The following RRM2 variants were observed in gnomAD, a reference collection of about 807,000 sequenced individuals.
RRM2 encodes ribonucleotide reductase regulatory subunit M2.
RRM2 carries 6 observed loss-of-function variants against 45.9 expected under a neutral mutation model. The observed-to-expected ratio is 0.13, with a 90% CI of 0.07 to 0.26. RRM2 has a LOEUF of 0.26. Among genes scored for constraint, RRM2 ranks in the 10% least tolerant of loss-of-function variants. RRM2 has a pLI of 1.00. For synonymous variants in RRM2, 177 were observed against 173.0 expected (o/e 1.02, Z -0.18); for missense variants, 343 against 489.5 (o/e 0.70, Z 2.82).
chr2:10,166,425 G>C (rs1663683161), intron 3 of RRM2, among the ~76,000 whole-genome samples: 1 of 152,190 alleles, frequency 6.6e-6, no homozygotes, highest in Non-Finnish European at 1.5e-5. Context: ...CTCTGCCCCT[G>C]AACACCAAGC....
chr2:10,144,294 C>T (rs555242804), intron 3 of RRM2, among the ~76,000 whole-genome samples: 11 of 152,332 alleles, frequency 7.2e-5, no homozygotes, highest in South Asian at 6.2e-4. Flanking sequence ...AGGTCAGAGA[C>T]GAGGTCTCAG....
At chr2:10,191,945 C>G (rs1664314809) in intron 3 of RRM2, among the ~76,000 whole-genome samples, 1 of 152,116 alleles carries the variant, frequency 6.6e-6, no homozygotes, top group South Asian at 2.1e-4. Flanking sequence ...GTCCGTGACC[C>G]CTTGAGGAAT....
At chr2:10,142,916 C>A (rs965433986) in intron 3 of RRM2, among the ~76,000 whole-genome samples, 1 of 152,210 alleles carries the variant, frequency 6.6e-6, no homozygotes, top group East Asian at 1.9e-4. Flanking sequence ...CTCTGTCACC[C>A]AGGCTGCAGT....
chr2:10,190,136 G>T (rs1664257080), intron 3 of RRM2, among the ~76,000 whole-genome samples: 1 of 150,456 alleles, frequency 6.6e-6, no homozygotes, highest in South Asian at 2.2e-4. Flanking sequence ...TGATGATGGT[G>T]ATGGTGGTGA....
intron 4 of RRM2, 27 bp downstream of exon 4, chr2:10,123,879 A>G: frequency 7.8e-7 from 1 of 1,286,132 alleles, no homozygotes; most frequent in South Asian, 1.2e-5. Flanking sequence ...TCTTTCATTC[A>G]TTTGACGTTG....
intron 3 of RRM2, among the ~76,000 whole-genome samples, chr2:10,199,652 C>T (rs548422103): frequency 1.5e-3 from 234 of 151,670 alleles, no homozygotes; most frequent in Non-Finnish European, 2.7e-3. Context: ...TGGTGGCGGG[C>T]GCCTGAAGTC....
chr2:10,164,294 A>T (rs62129920), intron 3 of RRM2, among the ~76,000 whole-genome samples: 313 of 152,074 alleles, frequency 2.1e-3, no homozygotes, highest in Non-Finnish European at 3.7e-3. Flanking sequence ...TGTGTGTGAA[A>T]CCACTTTGTT....
rs1433225556 is a variant in RRM2 at position 10,200,651 on chromosome 2, CACACAAAATATGAGGCCCACAGGGACT to C, written n.483-9659_483-9633del. 1.4e-4 allele frequency among the ~76,000 whole-genome samples: 17 copies of C among 125,332 alleles called. 3 individuals are homozygous for C. Among genetic ancestry groups the C allele is most frequent in the African/African-American group, 4.9e-4 (17 of 34,762 alleles). 82.2% of individuals were successfully genotyped at this position (125,332 alleles called of 152,430 possible). ...AAATATGAGGCCCACAGGCACCGCG[CACACAAAATATGAGGCCCACAGGGACT>C]GCGCGCACAAATTATGAGTCCCACG... is the stretch of plus-strand genomic sequence containing the variant. On this transcript the variant is annotated intron_variant and non_coding_transcript_variant, in intron 3 of 3. Transcript: ENST00000381786.
rs567207322 is a variant in RRM2, at chr2:10,204,354, G to A, written n.483-5957G>A. The stretch of plus-strand genomic sequence containing the variant: ...TTAAAGGATACCTAGGCATCAGCTA[G>A]GTGAAGAGAGCAGGGAAGGAGACTC... On this transcript the variant is annotated intron_variant and non_coding_transcript_variant, in intron 3 of 3. Coordinates refer to the RRM2 transcript ENST00000381786. The surrounding 1 kb of genome is among the most constrained non-coding windows in gnomAD (Gnocchi z 4.0). 2.9e-4 allele frequency among the ~76,000 whole-genome samples: 44 copies of A among 152,330 alleles called. No individual in the cohort carries two copies. Among genetic ancestry groups the A allele is most frequent in the African/African-American group, 9.1e-4 (38 of 41,574 alleles).
intron 3 of RRM2, among the ~76,000 whole-genome samples, chr2:10,165,056 A>G (rs1663650696): frequency 1.3e-5 from 2 of 152,294 alleles, no homozygotes; most frequent in African/African-American, 4.8e-5. Flanking sequence ...GGCTCAAGCC[A>G]TCCTCCCACC....
Position 10,200,530 on chromosome 2 carries a change from A to G in RRM2, n.483-9781A>G, listed in dbSNP as rs4669554. 7.7e-3 allele frequency among the ~76,000 whole-genome samples: 45 copies of G among 5,850 alleles called. 16 individuals carry two copies. Among genetic ancestry groups the G allele is most frequent in the Non-Finnish European group, 0.01 (37 of 3,556 alleles). The allele number at this position is 5,850 out of a possible 152,430, so 3.8% of individuals were successfully genotyped here. A position where few individuals can be genotyped will look rare whatever the true frequency, so the allele number is the denominator to read the frequency against. The stretch of plus-strand genomic sequence containing the variant: ...TATGAGGCCCACAGGGACTGCGCGC[A>G]CAAATTATGAGTCCCACAGGGACCG... On this transcript the variant is annotated intron_variant and non_coding_transcript_variant, in intron 3 of 3. Transcript: ENST00000381786.
intron 3 of RRM2, among the ~76,000 whole-genome samples, chr2:10,159,608 C>G (rs1663513368): frequency 2.0e-5 from 3 of 152,242 alleles, no homozygotes; most frequent in Admixed American, 1.3e-4. Context: ...AAAAGAAAGA[C>G]TCCAGGATGA....
At chr2:10,166,144 T>C (rs1196018542) in intron 3 of RRM2, among the ~76,000 whole-genome samples, 1 of 152,184 alleles carries the variant, frequency 6.6e-6, no homozygotes, top group Non-Finnish European at 1.5e-5. Context: ...TTAATGCCTT[T>C]CCAATAAAGC....
chr2:10,124,683 T>A, intron 4 of RRM2, 34 bp from the exon 5 acceptor site: 1 of 1,610,788 alleles, frequency 6.2e-7, no homozygotes, highest in East Asian at 2.2e-5. Context: ...GTTGGTTTTT[T>A]CTCAAGCTTA....
chr2:10,141,906 ACAGCACG>A (rs1304120233), exon 2 of RRM2: 1 of 1,576,842 alleles, frequency 6.3e-7, no homozygotes, highest in South Asian at 1.2e-5. Flanking sequence ...CCTCGGGGAG[ACAGCACG>A]CCAGTGAGGG....
At chr2:10,166,194 C>T (rs1663676756) in intron 3 of RRM2, among the ~76,000 whole-genome samples, 1 of 152,240 alleles carries the variant, frequency 6.6e-6, no homozygotes, top group Non-Finnish European at 1.5e-5. Flanking sequence ...CAGAGCTGAA[C>T]AGTTACTTTA....
chr2:10,128,104 G>C (rs142748265), intron 7 of RRM2, among the ~76,000 whole-genome samples: 4,097 of 152,162 alleles, frequency 0.027, 203 homozygotes, highest in African/African-American at 0.094. Context: ...GGTGGAGGTT[G>C]CAGTGAGTCA....
chr2:10,160,819 G>A (rs1226274406), intron 3 of RRM2, among the ~76,000 whole-genome samples: 2 of 152,204 alleles, frequency 1.3e-5, no homozygotes, highest in Non-Finnish European at 2.9e-5. Flanking sequence ...CGCCAGGTGA[G>A]CTGGCTGCTT....
chr2:10,161,609 T>C (rs1232634131), intron 3 of RRM2, among the ~76,000 whole-genome samples: 1 of 151,922 alleles, frequency 6.6e-6, no homozygotes, highest in Non-Finnish European at 1.5e-5. Context: ...CACACACACA[T>C]TCATATGCAT....
Sources: gnomAD v4.1 joint callset for allele counts (sites outside exome capture counted in the v4.1 genomes callset) on GRCh38, gnomAD v4.1.1 for gene constraint, Gnocchi (gnomAD v3.1) non-coding constraint, MANE v1.5 for transcripts, NCBI Gene and HGNC (gene_info 2026-07-23, HGNC 2026-07-21) for gene names.